The following RXFP1 variants were observed in gnomAD, a reference collection of about 807,000 sequenced individuals.
RXFP1 encodes relaxin family peptide receptor 1, also known as relaxin receptor 1.
RXFP1 carries 73 observed loss-of-function variants against 89.8 expected under a neutral mutation model. That is an observed-to-expected ratio of 0.81 (90% CI 0.67 to 0.99). RXFP1 has a LOEUF of 0.99. Ranked by LOEUF, RXFP1 falls within the 50% of genes least tolerant of loss-of-function variation. The pLI, the probability that RXFP1 is intolerant of heterozygous loss-of-function variation, is 0.00. For missense variants in RXFP1, 793 were observed against 895.5 expected (o/e 0.89, Z 1.46); for synonymous variants, 277 against 305.5 (o/e 0.91, Z 0.97).
chr4:158,613,184 G>A (rs570786480), intron 8 of RXFP1, among the ~76,000 whole-genome samples: 1 of 152,316 alleles, frequency 6.6e-6, no homozygotes, highest in East Asian at 1.9e-4. Flanking sequence ...TTTTCAGCGA[G>A]TCATAATCTT....
At chr4:158,545,144 C>A (rs1747938793) in intron 1 of RXFP1, among the ~76,000 whole-genome samples, 1 of 151,530 alleles carries the variant, frequency 6.6e-6, no homozygotes, top group South Asian at 2.1e-4. Flanking sequence ...GCCATTCTAA[C>A]TGGTGTGAGA....
In RXFP1 at chr4:158,626,896, G is replaced by A. The variant is rs1394548112; in HGVS notation, c.827+5G>A. 1 of 1,365,808 alleles carries A rather than the reference G, an allele frequency of 7.3e-7. No individual in the cohort carries two copies. The highest frequency in any genetic ancestry group is 2.0e-5 in the Admixed American group (1 of 50,286). The allele number at this position is 1,365,808 out of a possible 1,614,324, so 84.6% of individuals were successfully genotyped here. ...CTGCAGTAATTTAACTGTTTTGTAAGTAATATGCTATGCTTTTGAAGTAAT... is the reference window on the plus strand; with the variant it reads ...CTGCAGTAATTTAACTGTTTTGTAAATAATATGCTATGCTTTTGAAGTAAT... On this transcript the variant is annotated splice_donor_5th_base_variant and intron_variant, in intron 10 of 17. Transcript: ENST00000307765.
intron 5 of RXFP1, chr4:158,607,026 C>T: frequency 6.7e-7 from 1 of 1,496,416 alleles, no homozygotes; most frequent in Non-Finnish European, 9.0e-7. Flanking sequence ...AAAGTTATAA[C>T]AAATTGCATA....
intron 11 of RXFP1, among the ~76,000 whole-genome samples, chr4:158,631,135 A>C (rs1163008042): frequency 2.0e-5 from 3 of 152,208 alleles, no homozygotes; most frequent in African/African-American, 7.2e-5. Context: ...TACATGATTC[A>C]TGCTGTTAGA....
intron 2 of RXFP1, among the ~76,000 whole-genome samples, chr4:158,575,467 C>T (rs1382932674): frequency 6.6e-6 from 1 of 152,098 alleles, no homozygotes; most frequent in Non-Finnish European, 1.5e-5. Flanking sequence ...CTTGTGTCCC[C>T]CATAAAGTTT....
Position 158,639,235 on chromosome 4 carries a change from T to C in RXFP1, c.1044-25T>C, listed in dbSNP as rs1345128089. On this transcript the variant is annotated intron_variant, in intron 13 of 17. Transcript: ENST00000307765. ...CCATGTATAATACATGTTCCTTTGA[T>C]TGATTATTAATTTGATATTTTTAGC... 5 of 1,290,030 alleles carry C rather than the reference T, an allele frequency of 3.9e-6. No individual in the cohort carries two copies. In the East Asian group the frequency reaches 6.9e-5, roughly 18 times the overall value. 79.9% of individuals were successfully genotyped at this position (1,290,030 alleles called of 1,614,324 possible).
At position 158,540,882 on chromosome 4, in the gene RXFP1, A is replaced by T. The variant is rs12641973; in HGVS notation, c.49+18857A>T. On this transcript the variant is annotated intron_variant, in intron 1 of 17. Transcript: ENST00000307765. The stretch of plus-strand genomic sequence containing the variant: ...CAAAAAAAGGCAAAAGCAGGAAAAC[A>T]CACTATTCAACTTTAAATAAGCCTC... Among the ~76,000 whole-genome samples, 201 of 152,292 alleles carry T rather than the reference A, an allele frequency of 1.3e-3. 3 individuals are homozygous for T. The East Asian group carries it at 0.019, about 14-fold the overall frequency.
chr4:158,618,750 G>A (rs1464943332), intron 9 of RXFP1, among the ~76,000 whole-genome samples: 1 of 151,980 alleles, frequency 6.6e-6, no homozygotes, highest in African/African-American at 2.4e-5. Context: ...GACAGCCCAG[G>A]AAATTATGCT....
intron 2 of RXFP1, among the ~76,000 whole-genome samples, chr4:158,578,625 G>C (rs145649734): frequency 6.6e-6 from 1 of 152,250 alleles, no homozygotes; most frequent in East Asian, 1.9e-4. Context: ...ATTTGCTCTA[G>C]CATTCCTTCT....
chr4:158,613,983 A>G (rs1276078028), intron 8 of RXFP1, among the ~76,000 whole-genome samples: 1 of 152,168 alleles, frequency 6.6e-6, no homozygotes, highest in African/African-American at 2.4e-5. Flanking sequence ...TGAAAACAAC[A>G]TGAATCTCCT....
chr4:158,564,190 C>T (rs1421162247), intron 1 of RXFP1, among the ~76,000 whole-genome samples: 1 of 152,026 alleles, frequency 6.6e-6, no homozygotes, highest in Admixed American at 6.5e-5. Flanking sequence ...AACTGGTGAT[C>T]GTTCACATTC....
chr4:158,648,492 C>T lies in RXFP1; in HGVS notation c.1757-7C>T. 1 of 1,520,750 alleles carries T rather than the reference C, an allele frequency of 6.6e-7. No homozygotes were observed. Among genetic ancestry groups the T allele is most frequent in the East Asian group, 2.3e-5 (1 of 44,008 alleles). The allele number at this position is 1,520,750 out of a possible 1,614,324, so 94.2% of individuals were successfully genotyped here. On this transcript the variant is annotated splice_region_variant and splice_polypyrimidine_tract_variant and intron_variant, in intron 16 of 17. Coordinates refer to ENST00000307765, the MANE Select transcript of RXFP1 (RefSeq NM_021634.4). ...TGCATTAATAATACTGTTTGTATTC[C>T]AAATAGGTATTAATTTGGCCGCATT...
Position 158,625,848 on chromosome 4 carries a change from G to A in RXFP1, c.756-972G>A, listed in dbSNP as rs530644807. On this transcript the variant is annotated intron_variant, in intron 9 of 17. Coordinates refer to ENST00000307765, the MANE Select transcript of RXFP1 (RefSeq NM_021634.4). ...GACCAGTAAGCTGAGTGTTAGAAGA[G>A]GCTGAATAGATTTAAGGGCCGGCAT... is the stretch of plus-strand genomic sequence containing the variant. 7.9e-5 allele frequency among the ~76,000 whole-genome samples: 12 copies of A among 152,150 alleles called. 1 individual carries two copies. Among genetic ancestry groups the A allele is most frequent in the Middle Eastern group, 6.8e-3 (2 of 294 alleles).
intron 2 of RXFP1, among the ~76,000 whole-genome samples, chr4:158,588,870 G>A (rs1016109238): frequency 6.6e-6 from 1 of 152,178 alleles, no homozygotes; most frequent in Admixed American, 6.5e-5. Context: ...GGCCAGCATT[G>A]GGTTCAGATT....
At position 158,617,138 on chromosome 4, in the gene RXFP1, A is replaced by G; in HGVS notation, c.688A>G (p.Met230Val). ...GLNSLILLVLMNNVLTRLPDK... is the reference protein window; with the variant it reads ...GLNSLILLVLVNNVLTRLPDK... ...TGTCTTTTCCTTTTTCAGAGTCCTG[A>G]TGAATAACGTCCTCACCCGTTTACC... is the stretch of plus-strand genomic sequence containing the variant. Residue 230 changes from methionine (M) to valine (V), a missense_variant, in exon 9 of 18, where the codon ATG becomes GTG. Transcript: ENST00000307765. 2 of 1,605,606 alleles carry G rather than the reference A, an allele frequency of 1.2e-6. No homozygotes were observed. The highest frequency in any genetic ancestry group is 1.7e-6 in the Non-Finnish European group (2 of 1,175,372).
At chr4:158,545,017 C>G (rs999228200) in intron 1 of RXFP1, among the ~76,000 whole-genome samples, 5 of 151,538 alleles carry the variant, frequency 3.3e-5, no homozygotes, top group South Asian at 2.1e-4. Context: ...CCTGAGGAAT[C>G]GCCACACTGA....
At chr4:158,547,260 A>G (rs2149865224) in intron 1 of RXFP1, among the ~76,000 whole-genome samples, 1 of 151,960 alleles carries the variant, frequency 6.6e-6, no homozygotes, top group Non-Finnish European at 1.5e-5. Flanking sequence ...GTATTCTCTG[A>G]TGGTAGTTTG....
chr4:158,596,441 G>A (rs1216835906), intron 3 of RXFP1, among the ~76,000 whole-genome samples: 1 of 151,782 alleles, frequency 6.6e-6, no homozygotes, highest in Non-Finnish European at 1.5e-5. Context: ...TGTATTTTTA[G>A]TAGAAACGAG....
chr4:158,592,856 C>A (rs762315507), intron 2 of RXFP1, among the ~76,000 whole-genome samples: 2 of 151,502 alleles, frequency 1.3e-5, no homozygotes, highest in African/African-American at 2.4e-5. Context: ...TTTGGGGGGC[C>A]GAGGCGGACA....
Sources: gnomAD v4.1 joint callset for allele counts (sites outside exome capture counted in the v4.1 genomes callset) on GRCh38, gnomAD v4.1.1 for gene constraint, MANE v1.5 for transcripts, NCBI Gene and HGNC (gene_info 2026-07-23, HGNC 2026-07-21) for gene names.